Variants in SH2D4B observed in about 807,000 individuals in gnomAD.
The protein encoded by SH2D4B is SH2 domain containing 4B, also known as SH2 domain-containing protein 4B.
In SH2D4B, 45 loss-of-function variants were observed where a neutral mutation model predicts 61.5. The observed-to-expected ratio is 0.73, with a 90% CI of 0.58 to 0.94. The LOEUF is 0.94. SH2D4B is among the 40% of genes least tolerant of loss of function. The probability of loss-of-function intolerance (pLI) is 0.00; values close to 1 mark genes in which losing one functional copy is unlikely to be tolerated. For missense variants in SH2D4B, 572 were observed against 574.2 expected (o/e 1.00, Z 0.04); for synonymous variants, 224 against 220.4 (o/e 1.02, Z -0.14).
In SH2D4B at chr10:80,539,798, G is replaced by C. The variant is rs146084462; in HGVS notation, c.184+1283G>C. Among the ~76,000 whole-genome samples the C allele has an allele frequency of 7.8e-3, 1,193 of 152,294 alleles. 8 individuals are homozygous for C. Among genetic ancestry groups the C allele is most frequent in the African/African-American group, 0.025 (1,056 of 41,556 alleles). On this transcript the variant is annotated intron_variant, in intron 1 of 7. Coordinates refer to ENST00000646907, the MANE Select transcript of SH2D4B (RefSeq NM_001388272.1). The surrounding 1 kb of genome is among the most constrained non-coding windows in gnomAD (Gnocchi z 4.9). ...TTCCTCCCCTGGGCCCAGCACAGAGGTGGCACATGGTGTTAAATCCTTGTT... is the reference window on the plus strand; with the variant it reads ...TTCCTCCCCTGGGCCCAGCACAGAGCTGGCACATGGTGTTAAATCCTTGTT...
At chr10:80,622,399 G>A (rs1163224343) in intron 6 of SH2D4B, among the ~76,000 whole-genome samples, 1 of 152,122 alleles carries the variant, frequency 6.6e-6, no homozygotes, top group Non-Finnish European at 1.5e-5. Context: ...CATGAAATTA[G>A]TTTTCCTGAA....
chr10:80,603,529 C>A, intron 4 of SH2D4B, 50 bp from the exon 5 acceptor site: 1 of 1,456,984 alleles, frequency 6.9e-7, no homozygotes, highest in Non-Finnish European at 9.2e-7. Context: ...TGGCGCAGTG[C>A]ACCGCCTGGG....
intron 6 of SH2D4B, among the ~76,000 whole-genome samples, chr10:80,615,525 C>A (rs1024817195): frequency 1.3e-5 from 2 of 152,202 alleles, no homozygotes; most frequent in Non-Finnish European, 2.9e-5. Context: ...TAAATCTCAC[C>A]CCTCCTCATT....
At position 80,539,829 on chromosome 10, in the gene SH2D4B, C is replaced by A. The variant is rs140060273; in HGVS notation, c.184+1314C>A. 4.6e-3 allele frequency among the ~76,000 whole-genome samples: 705 copies of A among 152,306 alleles called. 5 individuals carry two copies. Among genetic ancestry groups the A allele is most frequent in the Middle Eastern group, 0.024 (7 of 294 alleles). On this transcript the variant is annotated intron_variant, in intron 1 of 7. Transcript: ENST00000646907. This position sits in a 1 kb window ranked among gnomAD's most constrained non-coding sequence, Gnocchi z 4.9. Reference sequence around the variant, plus strand: ...CATGGTGTTAAATCCTTGTTTTGAACAAGACACAGCAGGACCCTGCCGGGG... The same window carrying A: ...CATGGTGTTAAATCCTTGTTTTGAAAAAGACACAGCAGGACCCTGCCGGGG...
chr10:80,603,665 A>T lies in SH2D4B; in HGVS notation c.730A>T (p.Ile244Phe). ...DEYRHHSLRA[I>F]QKGTVAGLSS... ...GTACCGACACCACTCGCTCCGTGCT[A>T]TCCAGAAGGGCACGGTCGCTGGCCT... Residue 244 changes from isoleucine (I) to phenylalanine (F), a missense_variant, in exon 5 of 8, where the codon ATC (isoleucine) becomes TTC (phenylalanine). Physicochemically the swap from Ile to Phe is conservative, Grantham distance 21. Transcript: ENST00000646907. The T allele has an allele frequency of 1.9e-6, 3 of 1,609,540 alleles. No homozygotes were observed. Among genetic ancestry groups the T allele is most frequent in the South Asian group, 2.2e-5 (2 of 89,968 alleles).
At chr10:80,554,902 A>G (rs773924841) in intron 1 of SH2D4B, among the ~76,000 whole-genome samples, 26 of 148,906 alleles carry the variant, frequency 1.7e-4, no homozygotes, top group Non-Finnish European at 2.7e-4. Context: ...CCAGCTACTC[A>G]GGAGGCTGAG....
chr10:80,588,714 C>T lies in SH2D4B; in HGVS notation c.580C>T (p.Leu194=), dbSNP rs370682299. 1.2e-5 allele frequency: 20 copies of T among 1,614,080 alleles called. No homozygotes were observed. The South Asian group carries it at 2.0e-4, about 16-fold the overall frequency. Residue 194 remains leucine, a synonymous_variant, in exon 4 of 8, where the codon CTG becomes TTG. Transcript: ENST00000646907. ...GAGGGCGAAGGAGCTCTACTGGACC[C>T]TGAAGCAGGCTCAGCTGCATTGCCA... ...EQRAKELYWT[L]KQAQLHCQAS... is the part of the protein sequence containing the mutation.
chr10:80,606,599 C>T (rs908709838), intron 5 of SH2D4B, among the ~76,000 whole-genome samples: 4 of 152,180 alleles, frequency 2.6e-5, no homozygotes, highest in African/African-American at 7.2e-5. Context: ...CCGCCCACCT[C>T]GGCCTCCCAA....
At chr10:80,633,772 G>A (rs1256221916) in intron 6 of SH2D4B, among the ~76,000 whole-genome samples, 2 of 152,168 alleles carry the variant, frequency 1.3e-5, no homozygotes, top group African/African-American at 4.8e-5. Flanking sequence ...TTTTTGCCTG[G>A]TGTCCACAGG....
At chr10:80,610,897 G>A (rs1280479473) in intron 6 of SH2D4B, among the ~76,000 whole-genome samples, 1 of 152,204 alleles carries the variant, frequency 6.6e-6, no homozygotes, top group Non-Finnish European at 1.5e-5. Flanking sequence ...TTAGTCAGGC[G>A]CAGTGGCTCA....
At chr10:80,571,658 CA>C in intron 3 of SH2D4B, 80 bp downstream of exon 3, 2 of 1,539,550 alleles carry the variant, frequency 1.3e-6, no homozygotes, top group Non-Finnish European at 1.8e-6. Context: ...TGGTTTGGAT[CA>C]ATCCTTGGCC....
intron 6 of SH2D4B, among the ~76,000 whole-genome samples, chr10:80,625,723 C>CT (rs112671303): frequency 0.032 from 4,824 of 151,986 alleles, 279 homozygotes; most frequent in African/African-American, 0.11. Context: ...CAGGCCTGCA[C>CT]ACCATGCCTG....
chr10:80,549,528 G>GTAATGGGCA (rs1277264569), intron 1 of SH2D4B, among the ~76,000 whole-genome samples: 1 of 152,182 alleles, frequency 6.6e-6, no homozygotes, highest in Non-Finnish European at 1.5e-5. Context: ...CCCTTCATCT[G>GTAATGGGCA]TAATGGGCAC....
In SH2D4B at chr10:80,540,832, C is replaced by T. The variant is rs748184345; in HGVS notation, c.184+2317C>T. Reference sequence around the variant, plus strand: ...GAGGCTTGGTTCAAAGCAGCCGTGCCGTGTCCCAGGGCGGGAATTGTGCGG... The same window carrying T: ...GAGGCTTGGTTCAAAGCAGCCGTGCTGTGTCCCAGGGCGGGAATTGTGCGG... On this transcript the variant is annotated intron_variant, in intron 1 of 7. Transcript: ENST00000646907. 306 of 1,550,606 alleles carry T rather than the reference C, an allele frequency of 2.0e-4. 1 individual carries two copies. Among genetic ancestry groups the T allele is most frequent in the Middle Eastern group, 3.7e-4 (2 of 5,416 alleles).
At chr10:80,620,241 G>A (rs1457988172) in intron 6 of SH2D4B, among the ~76,000 whole-genome samples, 1 of 152,184 alleles carries the variant, frequency 6.6e-6, no homozygotes, top group African/African-American at 2.4e-5. Flanking sequence ...CCCCCTTGCT[G>A]TTCTCATGGT....
rs549334946 is a variant in SH2D4B, at chr10:80,566,124, A to G, written c.185-4030A>G. Among the ~76,000 whole-genome samples the G allele has an allele frequency of 3.6e-5, 5 of 138,710 alleles. No individual in the cohort carries two copies. In the East Asian group the frequency reaches 1.1e-3, roughly 30 times the overall value. The allele number at this position is 138,710 out of a possible 152,430, so 91.0% of individuals were successfully genotyped here. A position where few individuals can be genotyped will look rare whatever the true frequency, so the allele number is the denominator to read the frequency against. ...AAAAAAAAAAAAAAAAAAAAGAGTG[A>G]AGAGGGAAGGGGTTTCTCCTAAGAA... is the stretch of plus-strand genomic sequence containing the variant. On this transcript the variant is annotated intron_variant, in intron 1 of 7. Transcript: ENST00000646907.
At chr10:80,609,398 G>C (rs375335444) in intron 5 of SH2D4B, 26 bp from the exon 6 acceptor site, 1 of 1,595,444 alleles carries the variant, frequency 6.3e-7, no homozygotes, top group South Asian at 1.1e-5. Context: ...TGACTCTTCT[G>C]CCCTCCCCAC....
At chr10:80,631,047 A>T (rs1842826873) in intron 6 of SH2D4B, among the ~76,000 whole-genome samples, 2 of 152,334 alleles carry the variant, frequency 1.3e-5, no homozygotes, top group Non-Finnish European at 2.9e-5. Flanking sequence ...CAAGTGTTGG[A>T]GGAAAGAGAC....
chr10:80,634,263 GT>G (rs71310969), intron 6 of SH2D4B, 21 bp from the exon 7 acceptor site: 11 of 1,490,542 alleles, frequency 7.4e-6, no homozygotes, highest in Non-Finnish European at 8.9e-6. Flanking sequence ...GTGTTTTTTT[GT>G]TTTTTTCTAT....
Sources: gnomAD v4.1 joint callset for allele counts (sites outside exome capture counted in the v4.1 genomes callset) on GRCh38, gnomAD v4.1.1 for gene constraint, Gnocchi (gnomAD v3.1) non-coding constraint, MANE v1.5 for transcripts, NCBI Gene and HGNC (gene_info 2026-07-23, HGNC 2026-07-21) for gene names.